The following WDR3 variants were observed in gnomAD, a reference collection of about 807,000 sequenced individuals.
The protein encoded by WDR3 is WD repeat domain 3.
A neutral mutation model predicts 123.7 loss-of-function variants in WDR3; 81 were observed. The ratio of observed to expected loss-of-function variants is 0.65; its 90% CI spans 0.55 to 0.79. The LOEUF (loss-of-function observed/expected upper bound fraction) is 0.79. Ranked by LOEUF, WDR3 falls within the 30% of genes least tolerant of loss-of-function variation. The pLI is 0.00. For missense variants in WDR3, 1,027 were observed against 1,123.2 expected, an observed-to-expected ratio of 0.91 and a Z score of 1.22; for synonymous variants, 390 against 388.8, an observed-to-expected ratio of 1.00 and a Z score of -0.04.
Position 117,961,463 on chromosome 1 carries a change from A to G in WDR3, c.*2016A>G, listed in dbSNP as rs1343405305. ...CTTTTGGGGAAGTTTATAAATGACT[A>G]AATCATACTTCTTGTTACAGGCCTG... is the stretch of plus-strand genomic sequence containing the variant. On this transcript the variant is annotated 3_prime_UTR_variant, in exon 27 of 27. Coordinates refer to ENST00000349139, the MANE Select transcript of WDR3 (RefSeq NM_006784.3). The G allele has an allele frequency of 1.3e-5, 2 of 152,202 alleles. No individual in the cohort carries two copies. The highest frequency in any genetic ancestry group is 3.8e-4 in the East Asian group (2 of 5,198). 9.4% of individuals were successfully genotyped at this position (152,202 alleles called of 1,614,324 possible). A position where few individuals can be genotyped will look rare whatever the true frequency, so the allele number is the denominator to read the frequency against.
intron 3 of WDR3, among the ~76,000 whole-genome samples, chr1:117,935,307 G>A (rs534852515): frequency 3.3e-5 from 5 of 152,198 alleles, no homozygotes; most frequent in African/African-American, 1.2e-4. Flanking sequence ...GGTTTTAGTT[G>A]TTACTTAGAA....
Position 117,959,335 on chromosome 1 carries a change from G to A in WDR3, c.2720G>A (p.Arg907Lys), listed in dbSNP as rs779739419. 6.2e-7 allele frequency: 1 copy of A among 1,613,766 alleles called. No individual in the cohort carries two copies. Among genetic ancestry groups the A allele is most frequent in the Non-Finnish European group, 8.5e-7 (1 of 1,179,926 alleles). ...ATGGCTGGTCTTGATTATCTCAAGAGGGAATGCGAGGCAAAAAGTGAAGTT... is the reference window on the plus strand; with the variant it reads ...ATGGCTGGTCTTGATTATCTCAAGAAGGAATGCGAGGCAAAAAGTGAAGTT... ...FNMAGLDYLK[R>K]ECEAKSEVMF... The change falls in exon 27 of 27, where the codon AGG becomes AAG. Residue 907 changes from arginine to lysine, a missense_variant. Transcript: ENST00000349139.
At chr1:117,952,886 C>T (rs1409540722) in intron 19 of WDR3, 60 bp from the exon 20 acceptor site, 2 of 1,584,548 alleles carry the variant, frequency 1.3e-6, no homozygotes, top group Non-Finnish European at 1.7e-6. Flanking sequence ...TTCCTCATTT[C>T]TCTTCATATA....
chr1:117,946,993 CAT>C (rs1328331945), intron 12 of WDR3, among the ~76,000 whole-genome samples: 1 of 150,616 alleles, frequency 6.6e-6, no homozygotes, highest in Non-Finnish European at 1.5e-5. Context: ...CATAACTGCT[CAT>C]AGTGTGTTCC....
chr1:117,945,684 T>C (rs1651355914), intron 11 of WDR3, among the ~76,000 whole-genome samples: 1 of 152,214 alleles, frequency 6.6e-6, no homozygotes, highest in South Asian at 2.1e-4. Context: ...AAATGTTTGT[T>C]AAGTGGACAT....
In WDR3 at chr1:117,955,246, T is replaced by C. The variant is rs140242407; in HGVS notation, c.2410-69T>C. The C allele has an allele frequency of 4.1e-4, 561 of 1,357,990 alleles. 1 individual carries two copies. In the African/African-American group the frequency reaches 5.6e-3, roughly 14 times the overall value. The allele number at this position is 1,357,990 out of a possible 1,614,324, so 84.1% of individuals were successfully genotyped here. On this transcript the variant is annotated intron_variant, in intron 23 of 26. Transcript: ENST00000349139. The stretch of plus-strand genomic sequence containing the variant: ...GGAGGGGTTCCTGTTTTATAGGAGA[T>C]AGAAATTAGAGAACTTTAGTAGAAA...
chr1:117,965,179 A>C lies in WDR3; in HGVS notation c.*5732A>C, dbSNP rs1557841294. 6.6e-6 allele frequency: 1 copy of C among 152,172 alleles called. No individual in the cohort carries two copies. Among genetic ancestry groups the C allele is most frequent in the Non-Finnish European group, 1.5e-5 (1 of 68,038 alleles). The allele number at this position is 152,172 out of a possible 1,614,324, so 9.4% of individuals were successfully genotyped here. A position where few individuals can be genotyped will look rare whatever the true frequency, so the allele number is the denominator to read the frequency against. Reference sequence around the variant, plus strand: ...TGCAATTTAGTTTTTATCCCAACCAAATTTAACACTTTAAATCTGAATTTT... The same window carrying C: ...TGCAATTTAGTTTTTATCCCAACCACATTTAACACTTTAAATCTGAATTTT... On this transcript the variant is annotated 3_prime_UTR_variant, in exon 27 of 27. Transcript: ENST00000349139.
At chr1:117,952,735 C>G in intron 19 of WDR3, 73 bp downstream of exon 19, 8 of 1,566,520 alleles carry the variant, frequency 5.1e-6, no homozygotes, top group Non-Finnish European at 6.1e-6. Flanking sequence ...AGTTTTCTGT[C>G]TAGTGCAGTT....
Position 117,942,542 on chromosome 1 carries a change from C to CAATA in WDR3, c.1097_1097+1insTAAA (p.Lys366AsnfsTer5). On this transcript the variant is annotated frameshift_variant and splice_region_variant, in exon 10 of 27. Coordinates refer to ENST00000349139, the MANE Select transcript of WDR3 (RefSeq NM_006784.3). LOFTEE classifies it high-confidence loss of function. ...CTAATATAAAAACTTCTGCCAAAAT[C>CAATA]AAGTGAGTAAAAATAAATTATCTGA... 6.2e-7 allele frequency: 1 copy of CAATA among 1,611,730 alleles called. No individual in the cohort carries two copies. The highest frequency in any genetic ancestry group is 8.5e-7 in the Non-Finnish European group (1 of 1,178,476).
chr1:117,937,136 G>T (rs1650970491), intron 4 of WDR3, among the ~76,000 whole-genome samples: 1 of 151,556 alleles, frequency 6.6e-6, no homozygotes, highest in Non-Finnish European at 1.5e-5. Flanking sequence ...GTGTTTCTTA[G>T]CCTTTTGAAA....
chr1:117,946,498 T>C (rs936077051), intron 12 of WDR3, among the ~76,000 whole-genome samples: 2 of 152,178 alleles, frequency 1.3e-5, no homozygotes, highest in Non-Finnish European at 2.9e-5. Context: ...TAATTAAATA[T>C]ATTAAGTACC....
chr1:117,950,221 T>TAA, intron 15 of WDR3, 91 bp downstream of exon 15: 1 of 1,445,960 alleles, frequency 6.9e-7, no homozygotes, highest in Non-Finnish European at 9.4e-7. Flanking sequence ...GCCTTGACTG[T>TAA]GCCCAGCGAT....
At position 117,940,751 on chromosome 1, in the gene WDR3, A is replaced by ACAAC. The variant is rs112688594; in HGVS notation, c.676-76_676-75insCAAC. 7.0e-3 allele frequency: 9,174 copies of ACAAC among 1,311,248 alleles called. 145 individuals carry two copies. The highest frequency in any genetic ancestry group is 0.065 in the African/African-American group (4,308 of 66,184). The allele number at this position is 1,311,248 out of a possible 1,614,324, so 81.2% of individuals were successfully genotyped here. On this transcript the variant is annotated intron_variant, in intron 6 of 26. Coordinates refer to ENST00000349139, the MANE Select transcript of WDR3 (RefSeq NM_006784.3). ...TCCGACAACAACAACAACAACAACA[A>ACAAC]AACAACAACAACAACAACAACATGC...
Position 117,952,537 on chromosome 1 carries a change from C to T in WDR3, c.2026C>T (p.Gln676Ter), listed in dbSNP as rs769373712. The T allele has an allele frequency of 6.2e-7, 1 of 1,610,222 alleles. No homozygotes were observed. Among genetic ancestry groups the T allele is most frequent in the Non-Finnish European group, 8.5e-7 (1 of 1,178,786 alleles). The change falls in exon 19 of 27, where the codon CAG becomes TAG. Residue 676 changes from glutamine to a stop codon, truncating the protein, a stop_gained. Transcript: ENST00000349139. LOFTEE classifies it high-confidence loss of function. ...TTTTTTTCTCCTCCAGGGTCATCAC[C>T]AGGAAATATGGTGTTTGGCTGTAAG... ...EHIQTLEGHH[Q>*]EIWCLAVSPS...
Position 117,963,801 on chromosome 1 carries a change from A to G in WDR3, c.*4354A>G. On this transcript the variant is annotated 3_prime_UTR_variant, in exon 27 of 27. Transcript: ENST00000349139. ...TTCCCATTTATTACTTACTGTACCT[A>G]ATGTGGAGAAACTTTACGAGACATG... is the stretch of plus-strand genomic sequence containing the variant. 1 of 1,611,538 alleles carries G rather than the reference A, an allele frequency of 6.2e-7. No homozygotes were observed. The highest frequency in any genetic ancestry group is 1.7e-4 in the Middle Eastern group (1 of 6,050).
chr1:117,950,519 T>C (rs1165959353), intron 15 of WDR3, among the ~76,000 whole-genome samples: 1 of 152,124 alleles, frequency 6.6e-6, no homozygotes, highest in Non-Finnish European at 1.5e-5. Context: ...TAGGACCAGG[T>C]TGGGCCTGGG....
chr1:117,944,915 A>G, intron 11 of WDR3, among the ~76,000 whole-genome samples: 1 of 151,252 alleles, frequency 6.6e-6, no homozygotes, highest in Middle Eastern at 3.2e-3. Context: ...TTGGCCTCAA[A>G]CTCCTGACCT....
chr1:117,938,561 A>G lies in WDR3; in HGVS notation c.579+3A>G. The G allele has an allele frequency of 2.5e-6, 4 of 1,612,720 alleles. No individual in the cohort carries two copies. Among genetic ancestry groups the G allele is most frequent in the Non-Finnish European group, 3.4e-6 (4 of 1,178,964 alleles). The stretch of plus-strand genomic sequence containing the variant: ...CAATGGTTGGCCACCGGACTGAGGT[A>G]AGTGTAGGGTCATGGGCCCAGGGAA... On this transcript the variant is annotated splice_donor_region_variant and intron_variant, in intron 5 of 26. Coordinates refer to ENST00000349139, the MANE Select transcript of WDR3 (RefSeq NM_006784.3).
chr1:117,946,020 C>A, intron 11 of WDR3, 66 bp from the exon 12 acceptor site: 1 of 1,283,854 alleles, frequency 7.8e-7, no homozygotes, highest in Non-Finnish European at 1.1e-6. Context: ...GAAACCTACA[C>A]ACTGACCTCT....
Sources: gnomAD v4.1 joint callset for allele counts (sites outside exome capture counted in the v4.1 genomes callset) on GRCh38, gnomAD v4.1.1 for gene constraint, MANE v1.5 for transcripts, NCBI Gene and HGNC (gene_info 2026-07-23, HGNC 2026-07-21) for gene names.